Variants in PPL observed in about 807,000 individuals in gnomAD.
PPL encodes periplakin.
In PPL, 198 loss-of-function variants were observed where a neutral mutation model predicts 194.4. That is an observed-to-expected ratio of 1.02 (90% CI 0.91 to 1.15). The LOEUF (loss-of-function observed/expected upper bound fraction) is 1.15. PPL is among the 50% of genes most tolerant of loss of function. PPL has a pLI of 0.00. For synonymous variants in PPL, 1,220 were observed against 972.4 expected, an observed-to-expected ratio of 1.25 and a Z score of -4.74; for missense variants, 2,885 against 2,294.8, an observed-to-expected ratio of 1.26 and a Z score of -5.25.
In PPL at chr16:4,885,402, C is replaced by G. The variant is rs902610491; in HGVS notation, c.3253G>C (p.Glu1085Gln). Reference sequence around the variant, plus strand: ...AAGCTCAGCTCCTCCTCCTGCTTCTCCCTGAGCTGGTCCTGGCGCTGGTGG... The same window carrying G: ...AAGCTCAGCTCCTCCTCCTGCTTCTGCCTGAGCTGGTCCTGGCGCTGGTGG... Reference protein sequence around the residue: ...EDHQRQDQLREKQEEELSFLQ... With the variant: ...EDHQRQDQLRQKQEEELSFLQ... Residue 1085 changes from glutamate (E) to glutamine (Q), a missense_variant, in exon 22 of 22, where the codon GAG (glutamate) becomes CAG (glutamine). Physicochemically the swap from Glu to Gln is conservative, Grantham distance 29. Coordinates refer to ENST00000345988, the MANE Select transcript of PPL (RefSeq NM_002705.5). The surrounding 1 kb of genome is among the most constrained non-coding windows in gnomAD (Gnocchi z 6.3). The G allele has an allele frequency of 5.6e-6, 9 of 1,612,824 alleles. No individual in the cohort carries two copies. In the African/African-American group the frequency reaches 9.3e-5, roughly 17 times the overall value.
chr16:4,930,663 A>G (rs900258887), intron 1 of PPL, among the ~76,000 whole-genome samples: 2 of 152,162 alleles, frequency 1.3e-5, no homozygotes, highest in African/African-American at 4.8e-5. Flanking sequence ...AGGGGAGTCC[A>G]TAGAATAGGT....
At chr16:4,895,507 G>C (rs539060625) in intron 10 of PPL, 87 bp downstream of exon 10, 4 of 1,604,092 alleles carry the variant, frequency 2.5e-6, no homozygotes, top group East Asian at 2.2e-5. Context: ...GGGTGCTGTG[G>C]AGGGGCCTGT....
chr16:4,932,396 G>A (rs1206810494), intron 1 of PPL, among the ~76,000 whole-genome samples: 1 of 151,938 alleles, frequency 6.6e-6, no homozygotes, highest in Non-Finnish European at 1.5e-5. Flanking sequence ...CTCTGGGCTT[G>A]GCTCAGTCAT....
intron 1 of PPL, among the ~76,000 whole-genome samples, chr16:4,918,134 AAC>A (rs1331909433): frequency 6.6e-6 from 1 of 152,002 alleles, no homozygotes; most frequent in Non-Finnish European, 1.5e-5. Flanking sequence ...CTCTACTAAA[AAC>A]ACAAAAATTA....
chr16:4,918,761 T>G (rs920167146), intron 1 of PPL, among the ~76,000 whole-genome samples: 1 of 152,110 alleles, frequency 6.6e-6, no homozygotes, highest in East Asian at 1.9e-4. Flanking sequence ...CCCCCCACCA[T>G]CCAGCTGGCC....
intron 12 of PPL, 24 bp downstream of exon 12, chr16:4,894,443 A>C (rs1447411503): frequency 6.2e-7 from 1 of 1,612,668 alleles, no homozygotes; most frequent in African/African-American, 1.3e-5. Context: ...TGGTCCATGC[A>C]GACTCCCGCC....
At chr16:4,888,754 A>G in intron 19 of PPL, 1 of 501,338 alleles carries the variant, frequency 2.0e-6, no homozygotes, top group African/African-American at 1.9e-5. Flanking sequence ...AATTCCCCCA[A>G]AGTGTTTACT....
chr16:4,914,435 G>A (rs1270820037), intron 1 of PPL, among the ~76,000 whole-genome samples: 2 of 152,162 alleles, frequency 1.3e-5, no homozygotes, highest in East Asian at 1.9e-4. Flanking sequence ...GGGGGCATTG[G>A]GGGCAGAAAT....
At chr16:4,918,444 G>A (rs2088971993) in intron 1 of PPL, among the ~76,000 whole-genome samples, 1 of 152,128 alleles carries the variant, frequency 6.6e-6, no homozygotes, top group African/African-American at 2.4e-5. Flanking sequence ...TTAACTCCTA[G>A]AGAGCTATTT....
chr16:4,902,757 T>G lies in PPL; in HGVS notation c.318-231A>C, dbSNP rs1230579218. 2.0e-5 allele frequency among the ~76,000 whole-genome samples: 3 copies of G among 151,416 alleles called. No homozygotes were observed. Among genetic ancestry groups the G allele is most frequent in the Non-Finnish European group, 4.4e-5 (3 of 67,896 alleles). ...CAGGCTGGAGTACAGTGACGTCATC[T>G]CAGCTCATGGCAGCCTCCGCCTCCC... On this transcript the variant is annotated intron_variant, in intron 3 of 21. Transcript: ENST00000345988. This position sits in a 1 kb window ranked among gnomAD's most constrained non-coding sequence, Gnocchi z 4.0.
In PPL at chr16:4,883,288, C is replaced by T. The variant is rs1291008393; in HGVS notation, c.*96G>A. On this transcript the variant is annotated 3_prime_UTR_variant, in exon 22 of 22. Transcript: ENST00000345988. This position sits in a 1 kb window ranked among gnomAD's most constrained non-coding sequence, Gnocchi z 4.8. ...CGAGGGTATGTATAAAATGCTTGGCCTGCACCAGGGCAAGGGAGAGGACGA... is the reference window on the plus strand; with the variant it reads ...CGAGGGTATGTATAAAATGCTTGGCTTGCACCAGGGCAAGGGAGAGGACGA... 14 of 1,549,698 alleles carry T rather than the reference C, an allele frequency of 9.0e-6. 1 individual carries two copies. The highest frequency in any genetic ancestry group is 1.9e-5 in the Admixed American group (1 of 52,996).
chr16:4,883,699 G>C lies in PPL; in HGVS notation c.4956C>G (p.Asn1652Lys). Reference sequence around the variant, plus strand: ...TGACTACGATGGAGCGCCGCAGGTGGTTCTCCCGCTGCTCCCGCTTGACGG... The same window carrying C: ...TGACTACGATGGAGCGCCGCAGGTGCTTCTCCCGCTGCTCCCGCTTGACGG... Reference protein sequence around the residue: ...SVAVKREQRENHLRRSIVVIH... With the variant: ...SVAVKREQREKHLRRSIVVIH... Residue 1652 changes from asparagine to lysine, a missense_variant, in exon 22 of 22, where the codon AAC becomes AAG. Physicochemically the swap from Asn to Lys is moderately conservative, Grantham distance 94. Transcript: ENST00000345988. The surrounding 1 kb of genome is among the most constrained non-coding windows in gnomAD (Gnocchi z 4.8). The C allele has an allele frequency of 6.2e-7, 1 of 1,614,040 alleles. No homozygotes were observed. Among genetic ancestry groups the C allele is most frequent in the South Asian group, 1.1e-5 (1 of 91,078 alleles).
intron 1 of PPL, among the ~76,000 whole-genome samples, chr16:4,912,040 T>C (rs1429594047): frequency 6.6e-6 from 1 of 152,212 alleles, no homozygotes. Flanking sequence ...AAACGCACCA[T>C]ATTTGAAAAA....
At chr16:4,888,955 TG>T (rs778555885) in intron 19 of PPL, 22 bp downstream of exon 19, 1 of 1,609,934 alleles carries the variant, frequency 6.2e-7, no homozygotes, top group Non-Finnish European at 8.5e-7. Flanking sequence ...GTTTGTGCTT[TG>T]GGCGGAAGTT....
chr16:4,884,453 C>T lies in PPL; in HGVS notation c.4202G>A (p.Arg1401Gln), dbSNP rs184288470. The change falls in exon 22 of 22, where the codon CGG becomes CAG. Residue 1401 changes from arginine (R) to glutamine (Q), a missense_variant. Physicochemically the swap from Arg to Gln is conservative, Grantham distance 43. Transcript: ENST00000345988. This position sits in a 1 kb window ranked among gnomAD's most constrained non-coding sequence, Gnocchi z 5.7. ...RLQRRRTELERQLEELERERQ... is the reference protein window; with the variant it reads ...RLQRRRTELEQQLEELERERQ... ...CTCGCGCTCTAGCTCCTCCAGCTGC[C>T]GCTCAAGCTCGGTGCGCCGGCGCTG... 1.3e-4 allele frequency: 205 copies of T among 1,600,766 alleles called. No individual in the cohort carries two copies. The highest frequency in any genetic ancestry group is 1.6e-4 in the Non-Finnish European group (183 of 1,176,646).
At chr16:4,906,447 G>A (rs917311413) in intron 2 of PPL, among the ~76,000 whole-genome samples, 1 of 152,008 alleles carries the variant, frequency 6.6e-6, no homozygotes, top group Admixed American at 6.6e-5. Context: ...GGATGGTCTC[G>A]ATCTCCTGAC....
Position 4,892,161 on chromosome 16 carries a change from G to T in PPL, c.1703C>A (p.Ala568Asp). The change falls in exon 15 of 22, where the codon GCT becomes GAT. Residue 568 changes from alanine (A) to aspartate (D), a missense_variant. Coordinates refer to ENST00000345988, the MANE Select transcript of PPL (RefSeq NM_002705.5). ...RIEPEKTRST[A>D]EGEAFIQALP... ...GGCCTGGATGAAGGCTTCGCCCTCA[G>T]CCGTGCTCCGCGTCTTCTCAGGTTC... 6.2e-7 allele frequency: 1 copy of T among 1,613,808 alleles called. No homozygotes were observed. Among genetic ancestry groups the T allele is most frequent in the Non-Finnish European group, 8.5e-7 (1 of 1,180,014 alleles).
Position 4,892,139 on chromosome 16 carries a change from C to T in PPL, c.1725G>A (p.Gln575=), listed in dbSNP as rs753680458. The change falls in exon 15 of 22, where the codon CAG becomes CAA. Residue 575 remains glutamine (Q), a synonymous_variant. Transcript: ENST00000345988. ...GTGTGGTGCCACTGCCTGGGAGGGC[C>T]TGGATGAAGGCTTCGCCCTCAGCCG... The part of the protein sequence containing the change: ...RSTAEGEAFI[Q]ALPGSGTTPL... 3 of 1,613,696 alleles carry T rather than the reference C, an allele frequency of 1.9e-6. No individual in the cohort carries two copies. Among genetic ancestry groups the T allele is most frequent in the South Asian group, 2.2e-5 (2 of 91,086 alleles).
At chr16:4,932,708 G>A (rs752703591) in intron 1 of PPL, among the ~76,000 whole-genome samples, 12 of 152,072 alleles carry the variant, frequency 7.9e-5, no homozygotes, top group African/African-American at 4.8e-5. Context: ...GTGAGCTACC[G>A]CGCCCAGCCC....
Sources: allele counts gnomAD v4.1 joint callset (sites outside exome capture counted in the v4.1 genomes callset), GRCh38; gene constraint gnomAD v4.1.1; non-coding constraint Gnocchi (gnomAD v3.1); transcripts MANE v1.5; gene names NCBI Gene and HGNC (gene_info 2026-07-23, HGNC 2026-07-21).